MAPK10: variants seen among roughly 807,000 people sequenced by gnomAD.
MAPK10 encodes the protein JNK3 alpha protein kinase.
In MAPK10, 25 loss-of-function variants were observed where a neutral mutation model predicts 59.3. The ratio of observed to expected loss-of-function variants is 0.42; its 90% confidence interval spans 0.31 to 0.59. The LOEUF (loss-of-function observed/expected upper bound fraction) is 0.59, where lower values mean the gene tolerates loss of function less well. Among genes scored for constraint, MAPK10 ranks in the 20% least tolerant of loss-of-function variants. The probability of loss-of-function intolerance (pLI) is 0.15; values close to 1 mark genes in which losing one functional copy is unlikely to be tolerated. For synonymous variants in MAPK10, 190 were observed against 200.5 expected (o/e 0.95, Z 0.44); for missense variants, 351 against 568.9 (o/e 0.62, Z 3.90).
intron 2 of MAPK10, among the ~76,000 whole-genome samples, chr4:86,226,481 A>C (rs914389679): frequency 1.3e-5 from 2 of 152,246 alleles, no homozygotes; most frequent in Non-Finnish European, 2.9e-5. Flanking sequence ...ATCATACCAC[A>C]TTATGCCAGA....
intron 4 of MAPK10, among the ~76,000 whole-genome samples, chr4:86,127,410 A>G (rs1242160312): frequency 6.6e-6 from 1 of 152,008 alleles, no homozygotes; most frequent in African/African-American, 2.4e-5. Context: ...TAGTCCTTAG[A>G]TTTCTATGAA....
chr4:86,155,536 G>C (rs1432983055), intron 4 of MAPK10, among the ~76,000 whole-genome samples: 1 of 151,842 alleles, frequency 6.6e-6, no homozygotes, highest in Non-Finnish European at 1.5e-5. Context: ...ACCCCCAGTG[G>C]ATGTCTGAAA....
intron 1 of MAPK10, among the ~76,000 whole-genome samples, chr4:86,582,703 G>C (rs1354718654): frequency 6.6e-6 from 1 of 152,094 alleles, no homozygotes; most frequent in Non-Finnish European, 1.5e-5. Context: ...ACAGGAATTG[G>C]GAACTAAACC....
At chr4:86,435,530 A>G (rs946785196) in intron 1 of MAPK10, among the ~76,000 whole-genome samples, 2 of 152,178 alleles carry the variant, frequency 1.3e-5, no homozygotes, top group Non-Finnish European at 2.9e-5. Context: ...TAAATTTTAT[A>G]TGTATATTTT....
chr4:86,408,845 G>A (rs1178561534), intron 1 of MAPK10, among the ~76,000 whole-genome samples: 1 of 152,152 alleles, frequency 6.6e-6, no homozygotes, highest in Non-Finnish European at 1.5e-5. Context: ...CTCCCATTCT[G>A]TAGGTTGCCT....
intron 4 of MAPK10, among the ~76,000 whole-genome samples, chr4:86,140,189 G>A (rs1297788974): frequency 1.5e-4 from 21 of 139,524 alleles, no homozygotes; most frequent in Non-Finnish European, 2.6e-4. Flanking sequence ...CTGGGTATAT[G>A]CCCAAAGGAC....
intron 1 of MAPK10, among the ~76,000 whole-genome samples, chr4:86,464,415 C>G (rs1564909045): frequency 6.6e-6 from 1 of 152,188 alleles, no homozygotes; most frequent in Admixed American, 6.5e-5. Flanking sequence ...ATTTCTGATT[C>G]TTCACACGTG....
At chr4:86,590,568 G>T (rs1165715210) in intron 1 of MAPK10, among the ~76,000 whole-genome samples, 1 of 152,150 alleles carries the variant, frequency 6.6e-6, no homozygotes, top group African/African-American at 2.4e-5. Context: ...AGGATTGCTT[G>T]AGCCCAGGAG....
At chr4:86,114,023 T>C (rs2057941197) in intron 4 of MAPK10, among the ~76,000 whole-genome samples, 1 of 152,162 alleles carries the variant, frequency 6.6e-6, no homozygotes, top group Non-Finnish European at 1.5e-5. Flanking sequence ...ATACTTGTGG[T>C]TAAATTGTGA....
intron 2 of MAPK10, chr4:86,336,692 C>A (rs575244957): frequency 2.6e-5 from 4 of 152,076 alleles, no homozygotes; most frequent in Non-Finnish European, 5.9e-5. Context: ...CCATACCTAC[C>A]ATTTAACATA....
At chr4:86,439,703 C>T (rs1443291835) in intron 1 of MAPK10, among the ~76,000 whole-genome samples, 1 of 152,082 alleles carries the variant, frequency 6.6e-6, no homozygotes, top group Non-Finnish European at 1.5e-5. Flanking sequence ...ATTTTTTATT[C>T]CTACCAGCAA....
intron 2 of MAPK10, among the ~76,000 whole-genome samples, chr4:86,278,556 T>C (rs2094672056): frequency 1.3e-5 from 2 of 152,100 alleles, no homozygotes; most frequent in South Asian, 4.1e-4. Context: ...AAAAAATGAA[T>C]AAAATTTACT....
intron 1 of MAPK10, among the ~76,000 whole-genome samples, chr4:86,424,234 G>A (rs760451925): frequency 2.6e-4 from 40 of 151,334 alleles, no homozygotes; most frequent in Non-Finnish European, 4.4e-4. Context: ...ACAGAGTCTC[G>A]CTCTGTTGCC....
chr4:86,533,774 A>C (rs939145172), intron 1 of MAPK10, among the ~76,000 whole-genome samples: 2 of 152,194 alleles, frequency 1.3e-5, no homozygotes, highest in African/African-American at 4.8e-5. Flanking sequence ...CTGAGCAAAC[A>C]TATTTCATTA....
At chr4:86,286,060 C>A (rs950356663) in intron 2 of MAPK10, among the ~76,000 whole-genome samples, 5 of 152,232 alleles carry the variant, frequency 3.3e-5, no homozygotes, top group African/African-American at 1.2e-4. Context: ...GAAACACCCT[C>A]ACAGACATAC....
At chr4:86,064,039 C>T (rs549654247) in intron 11 of MAPK10, among the ~76,000 whole-genome samples, 193 of 152,224 alleles carry the variant, frequency 1.3e-3, no homozygotes, top group Admixed American at 2.3e-3. Flanking sequence ...TCATGGACAT[C>T]TAAGGTTTGT....
intron 1 of MAPK10, among the ~76,000 whole-genome samples, chr4:86,471,161 C>G (rs973427570): frequency 5.3e-5 from 8 of 149,898 alleles, no homozygotes; most frequent in African/African-American, 2.0e-4. Flanking sequence ...CCCAATTACT[C>G]AGGAGGCTGA....
At chr4:86,409,719 T>C (rs1254666744) in intron 1 of MAPK10, among the ~76,000 whole-genome samples, 1 of 152,214 alleles carries the variant, frequency 6.6e-6, no homozygotes, top group Non-Finnish European at 1.5e-5. Context: ...TATTGGTGTA[T>C]AGGAATGCTT....
intron 9 of MAPK10, among the ~76,000 whole-genome samples, chr4:86,078,521 A>G (rs888310240): frequency 6.6e-6 from 1 of 152,046 alleles, no homozygotes; most frequent in Non-Finnish European, 1.5e-5. Context: ...AGTACTAATT[A>G]TAGTTCTTTG....
Sources: allele counts gnomAD v4.1 joint callset (sites outside exome capture counted in the v4.1 genomes callset), GRCh38; gene constraint gnomAD v4.1.1; transcripts MANE v1.5; gene names NCBI Gene and HGNC (gene_info 2026-07-23, HGNC 2026-07-21).